ATG9A: variants seen among roughly 807,000 people sequenced by gnomAD.
The protein encoded by ATG9A is autophagy related 9A.
A neutral mutation model predicts 87.1 loss-of-function variants in ATG9A; 21 were observed. The observed-to-expected ratio is 0.24, with a 90% CI of 0.17 to 0.35. The LOEUF is 0.35. Among genes scored for constraint, ATG9A ranks in the 10% least tolerant of loss-of-function variants. ATG9A has a pLI of 1.00. For synonymous variants in ATG9A, 422 were observed against 441.3 expected (o/e 0.96, Z 0.55); for missense variants, 836 against 1,107.3 (o/e 0.76, Z 3.48).
Position 219,222,648 on chromosome 2 carries a change from A to G in ATG9A, c.1845T>C (p.Ser615=). Reference sequence around the variant, plus strand: ...CTCCCAGTCACCAGGAACACACCTCAGACTCAGATTGTAAGGACTGGATAG... The same window carrying G: ...CTCCCAGTCACCAGGAACACACCTCGGACTCAGATTGTAAGGACTGGATAG... The part of the protein sequence containing the change: ...FTSIQSLQSE[S]EPLSLIANVV... Residue 615 remains serine, a synonymous_variant, in exon 11 of 16, where the codon TCT becomes TCC. Transcript: ENST00000361242. This position sits in a 1 kb window ranked among gnomAD's most constrained non-coding sequence, Gnocchi z 4.3. 4 of 1,614,002 alleles carry G rather than the reference A, an allele frequency of 2.5e-6. No individual in the cohort carries two copies. Among genetic ancestry groups the G allele is most frequent in the Non-Finnish European group, 3.4e-6 (4 of 1,179,882 alleles).
chr2:219,227,065 G>A lies in ATG9A; in HGVS notation c.148-132C>T, dbSNP rs1950876221. 1.3e-5 allele frequency: 10 copies of A among 744,568 alleles called. No homozygotes were observed. The East Asian group carries it at 2.7e-4, about 20-fold the overall frequency. 46.1% of individuals were successfully genotyped at this position (744,568 alleles called of 1,614,324 possible). A position where few individuals can be genotyped will look rare whatever the true frequency, so the allele number is the denominator to read the frequency against. Reference sequence around the variant, plus strand: ...GTGACTTTACCAAGTTACTTAACCTGTCTAAACTTTTGTCTGTCCATGGTG... The same window carrying A: ...GTGACTTTACCAAGTTACTTAACCTATCTAAACTTTTGTCTGTCCATGGTG... On this transcript the variant is annotated intron_variant, in intron 4 of 15. Transcript: ENST00000361242.
rs1400286151 is a variant in ATG9A at position 219,225,427 on chromosome 2, G to C, written c.358C>G (p.Gln120Glu). The C allele has an allele frequency of 1.2e-6, 2 of 1,614,012 alleles. No individual in the cohort carries two copies. The highest frequency in any genetic ancestry group is 1.7e-6 in the Non-Finnish European group (2 of 1,180,008). Residue 120 changes from glutamine (Q) to glutamate (E), a missense_variant, in exon 6 of 16, where the codon CAA becomes GAA. Coordinates refer to ENST00000361242, the MANE Select transcript of ATG9A (RefSeq NM_001077198.3). ...VTLPDAFLPA[Q>E]VCSARIQENG... ...AGCCCTTACCTGGCACTACAGACTTGAGCAGGCAAAAAGGCGTCTGGCAGA... is the reference window on the plus strand; with the variant it reads ...AGCCCTTACCTGGCACTACAGACTTCAGCAGGCAAAAAGGCGTCTGGCAGA...
Position 219,224,609 on chromosome 2 carries a change from G to C in ATG9A, c.762C>G (p.Ile254Met). Residue 254 changes from isoleucine (I) to methionine (M), a missense_variant, in exon 8 of 16, where the codon ATC becomes ATG. By Grantham distance (10) the Ile-to-Met change is conservative. Around this residue, in one of 2 missense-constraint regions of ATG9A, gnomAD observed 512 missense variants for 759.6 expected, o/e 0.67. Coordinates refer to ENST00000361242, the MANE Select transcript of ATG9A (RefSeq NM_001077198.3). The surrounding 1 kb of genome is among the most constrained non-coding windows in gnomAD (Gnocchi z 7.7). ...TRGLKYNFEL[I>M]LFWGPGSLFL... ...ACAGAGAGCCAGGTCCCCAGAAGAG[G>C]ATCAGCTCAAAGTTGTACTTGAGAC... 6.2e-7 allele frequency: 1 copy of C among 1,614,182 alleles called. No homozygotes were observed. The highest frequency in any genetic ancestry group is 1.1e-5 in the South Asian group (1 of 91,086).
intron 5 of ATG9A, 89 bp from the exon 6 acceptor site, chr2:219,225,661 A>G: frequency 7.0e-7 from 1 of 1,432,742 alleles, no homozygotes; most frequent in Non-Finnish European, 9.5e-7. Flanking sequence ...GAGGTGGCAG[A>G]ACAAGACTGG....
In ATG9A at chr2:219,224,365, C is replaced by A. The variant is rs1424772157; in HGVS notation, c.1006G>T (p.Gly336Cys). ...ALGARCWSLY[G>C]RCYLRHFNEL... ...TTGAAGTGGCGGAGGTAGCAGCGGC[C>A]ATAGAGTGACCAGCAGCGTGCTCCC... The change falls in exon 8 of 16, where the codon GGC becomes TGC. Residue 336 changes from glycine to cysteine, a missense_variant. Gly to Cys is a radical substitution (Grantham distance 159). Around this residue, in one of 2 missense-constraint regions of ATG9A, gnomAD observed 512 missense variants for 759.6 expected, o/e 0.67. Coordinates refer to ENST00000361242, the MANE Select transcript of ATG9A (RefSeq NM_001077198.3). This position sits in a 1 kb window ranked among gnomAD's most constrained non-coding sequence, Gnocchi z 7.7. 19 of 1,613,676 alleles carry A rather than the reference C, an allele frequency of 1.2e-5. No homozygotes were observed. Among genetic ancestry groups the A allele is most frequent in the Non-Finnish European group, 1.5e-5 (18 of 1,180,034 alleles).
chr2:219,224,818 C>A lies in ATG9A; in HGVS notation c.553G>T (p.Ala185Ser), dbSNP rs765202851. Residue 185 changes from alanine to serine, a missense_variant, in exon 8 of 16, where the codon GCC (alanine) becomes TCC (serine). This residue lies in a region of ATG9A where 512 missense variants were observed against 759.6 expected (regional missense o/e 0.67). Coordinates refer to ENST00000361242, the MANE Select transcript of ATG9A (RefSeq NM_001077198.3). The surrounding 1 kb of genome is among the most constrained non-coding windows in gnomAD (Gnocchi z 7.7). ...TCCTTCTGCGTCTGCACGATCCGGG[C>A]CTGCACTTCTTGCCACGTGCAATAC... ...LPYCTWQEVQ[A>S]RIVQTQKEHQ... The A allele has an allele frequency of 6.2e-7, 1 of 1,614,122 alleles. No individual in the cohort carries two copies. The highest frequency in any genetic ancestry group is 8.5e-7 in the Non-Finnish European group (1 of 1,180,040).
chr2:219,225,048 A>C, intron 7 of ATG9A, 23 bp downstream of exon 7: 1 of 1,613,918 alleles, frequency 6.2e-7, no homozygotes, highest in Non-Finnish European at 8.5e-7. Flanking sequence ...CTATGGGCTA[A>C]CTGCCCAACT....
chr2:219,229,408 GC>G lies in ATG9A; in HGVS notation c.-82+126del. 6.6e-6 allele frequency: 1 copy of G among 152,160 alleles called. No individual in the cohort carries two copies. The highest frequency in any genetic ancestry group is 1.5e-5 in the Non-Finnish European group (1 of 67,882). The allele number at this position is 152,160 out of a possible 1,614,324, so 9.4% of individuals were successfully genotyped here. On this transcript the variant is annotated intron_variant, in intron 1 of 15. Transcript: ENST00000361242. The surrounding 1 kb of genome is among the most constrained non-coding windows in gnomAD (Gnocchi z 4.2). ...AGCAATCAAAACATTCCGGCTGCGCGCCCCCGCCCCGCCGGCGGCGCCCCTT... is the reference window on the plus strand; with the variant it reads ...AGCAATCAAAACATTCCGGCTGCGCGCCCCGCCCCGCCGGCGGCGCCCCTT...
At position 219,225,548 on chromosome 2, in the gene ATG9A, G is replaced by A. The variant is rs1409198794; in HGVS notation, c.237C>T (p.Phe79=). 1.9e-6 allele frequency: 3 copies of A among 1,614,072 alleles called. No homozygotes were observed. Among genetic ancestry groups the A allele is most frequent in the South Asian group, 1.1e-5 (1 of 91,092 alleles). ...CCACGCAGCTGACCAGGAAGGTAGT[G>A]AAGGCAACCACAAAGAGGAACTGCC... ...ELMQFLFVVA[F]TTFLVSCVDY... is the part of the protein sequence containing the mutation. The change falls in exon 6 of 16, where the codon TTC becomes TTT. Residue 79 remains phenylalanine (F), a synonymous_variant. Coordinates refer to ENST00000361242, the MANE Select transcript of ATG9A (RefSeq NM_001077198.3).
chr2:219,227,072 C>A, intron 4 of ATG9A, 139 bp from the exon 5 acceptor site: 1 of 717,604 alleles, frequency 1.4e-6, no homozygotes, highest in South Asian at 1.5e-5. Context: ...CCTGTCTAAA[C>A]TTTTGTCTGT....
rs1950957787 is a variant in ATG9A at position 219,229,443 on chromosome 2, A to G, written c.-82+92T>C. The G allele has an allele frequency of 1.3e-5, 2 of 151,514 alleles. No homozygotes were observed. The highest frequency in any genetic ancestry group is 1.3e-4 in the Admixed American group (2 of 15,226). 9.4% of individuals were successfully genotyped at this position (151,514 alleles called of 1,614,324 possible). A position where few individuals can be genotyped will look rare whatever the true frequency, so the allele number is the denominator to read the frequency against. ...CGCCGGCGGCGCCCCTTCCTCCGTT[A>G]CCCGCCGCGAGCTCACTTAGGGCTC... On this transcript the variant is annotated intron_variant, in intron 1 of 15. Coordinates refer to ENST00000361242, the MANE Select transcript of ATG9A (RefSeq NM_001077198.3). The surrounding 1 kb of genome is among the most constrained non-coding windows in gnomAD (Gnocchi z 4.2).
rs1465724871 is a variant in ATG9A at position 219,223,817 on chromosome 2, C to A, written c.1419+52G>T. The A allele has an allele frequency of 1.2e-6, 2 of 1,613,894 alleles. No homozygotes were observed. Among genetic ancestry groups the A allele is most frequent in the Non-Finnish European group, 1.7e-6 (2 of 1,179,980 alleles). On this transcript the variant is annotated intron_variant, in intron 9 of 15. Transcript: ENST00000361242. This position sits in a 1 kb window ranked among gnomAD's most constrained non-coding sequence, Gnocchi z 4.7. ...CGAGCAGGAGGGAGCCCAGCCCTCA[C>A]CACCGAGCTACCAGCCAGTCTCTAG...
chr2:219,220,974 G>T (rs1950745764), intron 14 of ATG9A, 82 bp from the exon 15 acceptor site: 3 of 1,593,166 alleles, frequency 1.9e-6, no homozygotes, highest in African/African-American at 2.7e-5. Flanking sequence ...CTTGGGGGGT[G>T]AGTCTTTGGG....
intron 13 of ATG9A, among the ~76,000 whole-genome samples, chr2:219,221,515 C>T (rs945454358): frequency 6.6e-6 from 1 of 152,076 alleles, no homozygotes; most frequent in Non-Finnish European, 1.5e-5. Context: ...TTGTAATGGC[C>T]CTCATTTTAC....
In ATG9A at chr2:219,220,113, C is replaced by T. The variant is rs1393324822; in HGVS notation, c.*334G>A. 1.4e-5 allele frequency: 5 copies of T among 353,324 alleles called. No individual in the cohort carries two copies. Among genetic ancestry groups the T allele is most frequent in the Admixed American group, 8.2e-5 (2 of 24,484 alleles). 21.9% of individuals were successfully genotyped at this position (353,324 alleles called of 1,614,324 possible). A position where few individuals can be genotyped will look rare whatever the true frequency, so the allele number is the denominator to read the frequency against. On this transcript the variant is annotated 3_prime_UTR_variant, in exon 16 of 16. Coordinates refer to ENST00000361242, the MANE Select transcript of ATG9A (RefSeq NM_001077198.3). ...GTTCTCCCTGCTTGGCAGCTTCTAT[C>T]GTGGGCAGCCCTCTGGGGACTTGCA...
chr2:219,226,188 G>A (rs866800972), intron 5 of ATG9A, among the ~76,000 whole-genome samples: 1 of 152,120 alleles, frequency 6.6e-6, no homozygotes, highest in South Asian at 2.1e-4. Context: ...TCGGCTCACT[G>A]CAACCTCCAC....
chr2:219,220,667 C>T (rs1000917600), intron 15 of ATG9A, 80 bp downstream of exon 15: 55 of 1,560,454 alleles, frequency 3.5e-5, no homozygotes, highest in Non-Finnish European at 4.5e-5. Context: ...TGGGGCATAT[C>T]TTCCTTCCCC....
In ATG9A at chr2:219,220,872, C is replaced by T. The variant is rs1444497913; in HGVS notation, c.2389G>A (p.Val797Ile). The change falls in exon 15 of 16, where the codon GTT becomes ATT. Residue 797 changes from valine (V) to isoleucine (I), a missense_variant. Transcript: ENST00000361242. ...GITDPGTVPR[V>I]PSHFSRLPLG... ...GGCAGCCGAGAGAAATGAGAGGGAA[C>T]CCTGGGCACTGTGCCAGGATCTGGA... 1 of 1,613,102 alleles carries T rather than the reference C, an allele frequency of 6.2e-7. No individual in the cohort carries two copies. The highest frequency in any genetic ancestry group is 8.5e-7 in the Non-Finnish European group (1 of 1,179,958).
chr2:219,220,684 G>A, intron 15 of ATG9A, 63 bp downstream of exon 15: 1 of 1,587,148 alleles, frequency 6.3e-7, no homozygotes, highest in Non-Finnish European at 8.6e-7. Flanking sequence ...CCCCTGAAAA[G>A]CTGTTACCTC....
Sources: gnomAD v4.1 joint callset for allele counts (sites outside exome capture counted in the v4.1 genomes callset) on GRCh38, gnomAD v4.1.1 for gene constraint, gnomAD v4.1.1 regional missense constraint, Gnocchi (gnomAD v3.1) non-coding constraint, MANE v1.5 for transcripts, NCBI Gene and HGNC (gene_info 2026-07-23, HGNC 2026-07-21) for gene names.